OR7E24: variants seen among roughly 807,000 people sequenced by gnomAD.
The protein encoded by OR7E24 is olfactory receptor 7E24.
For missense variants in OR7E24, 385 were observed against 410.3 expected, an observed-to-expected ratio of 0.94 and a Z score of 0.53; for synonymous variants, 130 against 157.5, an observed-to-expected ratio of 0.83 and a Z score of 1.31.
At chr19:9,231,886 A>G in the OR7E24 span, among the ~76,000 whole-genome samples, 1 of 152,108 alleles carries the variant, frequency 6.6e-6, no homozygotes. Flanking sequence ...AATGAATAAA[A>G]ATTTCTGTTT....
At position 9,251,538 on chromosome 19, in the gene OR7E24, G is replaced by A; in HGVS notation, c.495G>A (p.Leu165=). The A allele has an allele frequency of 1.2e-6, 2 of 1,614,024 alleles. No individual in the cohort carries two copies. The highest frequency in any genetic ancestry group is 1.7e-6 in the Non-Finnish European group (2 of 1,179,990). ...GCCTCTGTGGCTTCTTAATCTTGTT[G>A]TCTTTTTTTATTAGTCTTTTGGACT... ...NPRLCGFLIL[L]SFFISLLDSQ... is the part of the protein sequence containing the mutation. Residue 165 remains leucine (L), a synonymous_variant, in exon 1 of 1, where the codon TTG becomes TTA. Transcript: ENST00000456448.
At chr19:9,214,837 T>C in the OR7E24 span, 3 of 1,584,004 alleles carry the variant, frequency 1.9e-6, no homozygotes, top group Non-Finnish European at 2.6e-6. Context: ...TCTGCTTCCA[T>C]GTAGCTGTTG....
At chr19:9,225,729 T>C in the OR7E24 span, among the ~76,000 whole-genome samples, 1 of 152,206 alleles carries the variant, frequency 6.6e-6, no homozygotes, top group African/African-American at 2.4e-5. Flanking sequence ...TCCAAATGGC[T>C]GAAGGAGTGG....
chr19:9,216,034 A>G, the OR7E24 span, among the ~76,000 whole-genome samples: 1 of 152,154 alleles, frequency 6.6e-6, no homozygotes, highest in Non-Finnish European at 1.5e-5. Context: ...AAAGAGAGAA[A>G]GCTTGTGCAA....
upstream of OR7E24, among the ~76,000 whole-genome samples, chr19:9,245,837 C>T (rs1395327824): frequency 1.3e-5 from 2 of 152,030 alleles, no homozygotes; most frequent in Non-Finnish European, 2.9e-5. Context: ...GAAGGGCCCT[C>T]GTGACTGGGC....
the OR7E24 span, chr19:9,235,315 C>G: frequency 8.7e-6 from 11 of 1,257,468 alleles, no homozygotes; most frequent in Non-Finnish European, 1.3e-5. Context: ...CCTCCACAGC[C>G]CCATGTAATT....
chr19:9,239,052 T>C, the OR7E24 span, among the ~76,000 whole-genome samples: 3 of 152,210 alleles, frequency 2.0e-5, no homozygotes, highest in African/African-American at 4.8e-5. Context: ...CCTAAGGTAG[T>C]TCTATTTTCA....
chr19:9,235,226 T>C, the OR7E24 span: 4 of 1,519,970 alleles, frequency 2.6e-6, no homozygotes, highest in Admixed American at 1.7e-5. Context: ...CCCGTCCTCT[T>C]TGGGCTGTTC....
chr19:9,214,639 A>G, the OR7E24 span: 3 of 1,614,130 alleles, frequency 1.9e-6, no homozygotes, highest in Admixed American at 5.0e-5. Context: ...TCAACAAAGG[A>G]CAGGTTGGAG....
chr19:9,236,160 C>G, the OR7E24 span: 1 of 752,112 alleles, frequency 1.3e-6, no homozygotes, highest in Non-Finnish European at 2.2e-6. Context: ...AGATCTTGCT[C>G]TCCCCTAAAA....
At chr19:9,218,626 G>A in the OR7E24 span, among the ~76,000 whole-genome samples, 1 of 152,100 alleles carries the variant, frequency 6.6e-6, no homozygotes, top group African/African-American at 2.4e-5. Context: ...TGGTGAACAT[G>A]CAAATGGATT....
the OR7E24 span, among the ~76,000 whole-genome samples, chr19:9,239,701 CTTTTTCTTTTT>C: frequency 7.3e-6 from 1 of 137,636 alleles, no homozygotes; most frequent in East Asian, 2.1e-4. Flanking sequence ...CTTTCTTTTT[CTTTTTCTTTTT>C]TTTTTTTTTT....
chr19:9,246,009 T>G (rs537781337), upstream of OR7E24, among the ~76,000 whole-genome samples: 2 of 151,266 alleles, frequency 1.3e-5, no homozygotes, highest in African/African-American at 4.9e-5. Context: ...ATATATATTT[T>G]TTTTTCGCTT....
At chr19:9,223,349 C>T in the OR7E24 span, among the ~76,000 whole-genome samples, 6 of 152,350 alleles carry the variant, frequency 3.9e-5, no homozygotes, top group African/African-American at 1.4e-4. Context: ...GCCATCATAC[C>T]ATCAGGTGGC....
chr19:9,246,133 G>T (rs144605064), upstream of OR7E24, among the ~76,000 whole-genome samples: 2 of 117,236 alleles, frequency 1.7e-5, no homozygotes, highest in African/African-American at 6.4e-5. Context: ...GCAGTGGCGC[G>T]ATCTCAGCTC....
chr19:9,215,498 G>A, the OR7E24 span, among the ~76,000 whole-genome samples: 1 of 151,848 alleles, frequency 6.6e-6, no homozygotes, highest in Non-Finnish European at 1.5e-5. Flanking sequence ...TAATCCCCAT[G>A]CTTCCTTCAT....
the OR7E24 span, among the ~76,000 whole-genome samples, chr19:9,218,926 G>A: frequency 5.2e-4 from 79 of 151,524 alleles, no homozygotes; most frequent in African/African-American, 1.6e-3. Context: ...GAGCCACTAC[G>A]TTCAGCCAAG....
upstream of OR7E24, among the ~76,000 whole-genome samples, chr19:9,246,060 CTTTTTTTTTTTTT>C (rs58590446): frequency 5.1e-5 from 2 of 38,900 alleles, no homozygotes; most frequent in African/African-American, 2.3e-4. Flanking sequence ...TATCAATGTG[CTTTTTTTTTTTTT>C]TTTTTTTTTT....
At chr19:9,231,451 A>C in the OR7E24 span, among the ~76,000 whole-genome samples, 1 of 152,086 alleles carries the variant, frequency 6.6e-6, no homozygotes. Context: ...ATGGTGGCGC[A>C]TGCCTGTAGT....
Sources: gnomAD v4.1 joint callset for allele counts (sites outside exome capture counted in the v4.1 genomes callset) on GRCh38, gnomAD v4.1.1 for gene constraint, MANE v1.5 for transcripts, NCBI Gene and HGNC (gene_info 2026-07-23, HGNC 2026-07-21) for gene names.